Variants in TBC1D19 observed in about 807,000 individuals in gnomAD.
The protein encoded by TBC1D19 is TBC1 domain family, member 19.
TBC1D19 carries 60 observed loss-of-function variants against 89.0 expected under a neutral mutation model. The observed-to-expected ratio is 0.67, with a 90% CI of 0.55 to 0.84. TBC1D19 has a LOEUF of 0.84. TBC1D19 is among the 40% of genes least tolerant of loss of function. TBC1D19 has a pLI of 0.00. For synonymous variants in TBC1D19, 189 were observed against 199.7 expected (o/e 0.95, Z 0.45); for missense variants, 500 against 610.8 (o/e 0.82, Z 1.91).
At chr4:26,730,184 T>C (rs1272167223) in intron 15 of TBC1D19, among the ~76,000 whole-genome samples, 2 of 152,206 alleles carry the variant, frequency 1.3e-5, no homozygotes, top group African/African-American at 4.8e-5. Context: ...TACAGATGCA[T>C]ATATTCATTC....
At chr4:26,628,485 C>A (rs1212484190) in intron 4 of TBC1D19, among the ~76,000 whole-genome samples, 1 of 152,028 alleles carries the variant, frequency 6.6e-6, no homozygotes, top group African/African-American at 2.4e-5. Flanking sequence ...TTCTATTCAA[C>A]ATAGTGTTGG....
chr4:26,839,919 ATG>A, the TBC1D19 span, among the ~76,000 whole-genome samples: 1 of 152,150 alleles, frequency 6.6e-6, no homozygotes, highest in Non-Finnish European at 1.5e-5. Context: ...AACTGTGGGC[ATG>A]TGTCCCTTCT....
chr4:26,588,036 T>C (rs1739527010), intron 1 of TBC1D19, among the ~76,000 whole-genome samples: 1 of 149,888 alleles, frequency 6.7e-6, no homozygotes, highest in Admixed American at 6.6e-5. Context: ...TTTTTTTTTT[T>C]TTTTTTTGAG....
Position 26,636,503 on chromosome 4 carries a change from A to AAG in TBC1D19, c.295-707_295-706insGA, listed in dbSNP as rs1553901483. Among the ~76,000 whole-genome samples, 42 of 150,904 alleles carry AAG rather than the reference A, an allele frequency of 2.8e-4. 1 individual carries two copies. The South Asian group carries it at 5.4e-3, about 19-fold the overall frequency. On this transcript the variant is annotated intron_variant, in intron 4 of 20. Transcript: ENST00000264866. The stretch of plus-strand genomic sequence containing the variant: ...GTCAGTATCATAAAAAAAAAAAAAA[A>AAG]AAGAAGAATAGAGAGATTCTGGATT...
At chr4:26,773,008 A>G in the TBC1D19 span, among the ~76,000 whole-genome samples, 1 of 152,192 alleles carries the variant, frequency 6.6e-6, no homozygotes, top group Non-Finnish European at 1.5e-5. Flanking sequence ...GTCAAATGTT[A>G]TCTCTGTCTC....
rs145478386 is a variant in TBC1D19, at chr4:26,685,801, T to G, written c.891+2052T>G. Among the ~76,000 whole-genome samples the G allele has an allele frequency of 2.7e-3, 412 of 152,320 alleles. 4 individuals carry two copies. The highest frequency in any genetic ancestry group is 9.3e-3 in the African/African-American group (386 of 41,576). Reference sequence around the variant, plus strand: ...ATTATTTTATCAAAAATGTAAGAGATCTTTTGGCCTGTAAGACCATTAGCC... The same window carrying G: ...ATTATTTTATCAAAAATGTAAGAGAGCTTTTGGCCTGTAAGACCATTAGCC... On this transcript the variant is annotated intron_variant, in intron 12 of 20. Coordinates refer to ENST00000264866, the MANE Select transcript of TBC1D19 (RefSeq NM_018317.4).
chr4:26,675,284 A>G (rs545659745), intron 11 of TBC1D19, among the ~76,000 whole-genome samples: 1 of 152,216 alleles, frequency 6.6e-6, no homozygotes, highest in East Asian at 1.9e-4. Context: ...GAATATTTCC[A>G]GAAGTATCAT....
intron 1 of TBC1D19, among the ~76,000 whole-genome samples, chr4:26,577,788 G>T (rs1462955254): frequency 5.9e-5 from 9 of 152,192 alleles, no homozygotes; most frequent in African/African-American, 2.2e-4. Flanking sequence ...ACAGCTGTAT[G>T]CCCGGAGTGT....
At chr4:26,637,798 T>C (rs1743230702) in intron 5 of TBC1D19, among the ~76,000 whole-genome samples, 2 of 152,242 alleles carry the variant, frequency 1.3e-5, no homozygotes, top group South Asian at 4.1e-4. Context: ...AACAAACCTG[T>C]ATCTTTGCAA....
chr4:26,613,133 C>G, intron 1 of TBC1D19, 36 bp from the exon 2 acceptor site: 1 of 1,356,828 alleles, frequency 7.4e-7, no homozygotes, highest in Non-Finnish European at 1.0e-6. Context: ...CTTTTCCTTC[C>G]TTATCTTTCT....
At chr4:26,598,588 G>A (rs953167097) in intron 1 of TBC1D19, among the ~76,000 whole-genome samples, 4 of 152,102 alleles carry the variant, frequency 2.6e-5, no homozygotes, top group Non-Finnish European at 4.4e-5. Context: ...TAGAGACGGG[G>A]TTTCACCATG....
chr4:26,770,997 A>G, the TBC1D19 span, among the ~76,000 whole-genome samples: 1 of 39,878 alleles, frequency 2.5e-5, no homozygotes, highest in African/African-American at 7.6e-5. Context: ...ATAAATACCA[A>G]TATTATTATA....
At chr4:26,839,882 G>T in the TBC1D19 span, among the ~76,000 whole-genome samples, 1 of 152,168 alleles carries the variant, frequency 6.6e-6, no homozygotes, top group African/African-American at 2.4e-5. Flanking sequence ...TTGGTATTGC[G>T]TAGGGTGAGT....
At chr4:26,718,774 C>A (rs1489139788) in intron 14 of TBC1D19, among the ~76,000 whole-genome samples, 1 of 152,022 alleles carries the variant, frequency 6.6e-6, no homozygotes, top group Non-Finnish European at 1.5e-5. Context: ...TTTATGGAAA[C>A]CTTTTGTTTG....
chr4:26,857,350 G>C, the TBC1D19 span, among the ~76,000 whole-genome samples: 1 of 152,246 alleles, frequency 6.6e-6, no homozygotes, highest in African/African-American at 2.4e-5. Context: ...ACCATCAAGA[G>C]CAAGCGAACC....
upstream of TBC1D19, chr4:26,583,884 G>T (rs1739239894): frequency 1.1e-5 from 4 of 349,780 alleles, no homozygotes; most frequent in Non-Finnish European, 2.2e-5. Context: ...CATCAGAGGC[G>T]CTGTGGCTCT....
downstream of TBC1D19, among the ~76,000 whole-genome samples, chr4:26,757,319 C>T (rs10428307): frequency 0.046 from 6,948 of 152,128 alleles, 549 homozygotes; most frequent in African/African-American, 0.16. Flanking sequence ...CGGACCTGTC[C>T]GCTCCATCTT....
intron 1 of TBC1D19, among the ~76,000 whole-genome samples, chr4:26,598,057 T>TTACATTTCA (rs1286975574): frequency 6.6e-6 from 1 of 152,216 alleles, no homozygotes; most frequent in Non-Finnish European, 1.5e-5. Flanking sequence ...TGTATATATT[T>TTACATTTCA]TACATTTCAT....
chr4:26,703,883 C>T (rs1213356581), intron 13 of TBC1D19, among the ~76,000 whole-genome samples: 1 of 145,680 alleles, frequency 6.9e-6, no homozygotes, highest in African/African-American at 2.5e-5. Flanking sequence ...ATGGCGTGAA[C>T]CAGGGAGGTG....
Sources: gnomAD v4.1 joint callset for allele counts (sites outside exome capture counted in the v4.1 genomes callset) on GRCh38, gnomAD v4.1.1 for gene constraint, MANE v1.5 for transcripts, NCBI Gene and HGNC (gene_info 2026-07-23, HGNC 2026-07-21) for gene names.